Variants in CPQ observed in about 807,000 individuals in gnomAD.
The protein encoded by CPQ is Ser-Met dipeptidase.
In CPQ, 37 loss-of-function variants were observed where a neutral mutation model predicts 45.7. The ratio of observed to expected loss-of-function variants is 0.81; its 90% confidence interval spans 0.62 to 1.07. The LOEUF is 1.07. Ranked by LOEUF, CPQ falls within the 50% of genes least tolerant of loss-of-function variation. The pLI, the probability that CPQ is intolerant of heterozygous loss-of-function variation, is 0.00. For synonymous variants in CPQ, 186 were observed against 205.8 expected (o/e 0.90, Z 0.82); for missense variants, 537 against 572.9 (o/e 0.94, Z 0.64).
chr8:97,006,773 A>G (rs1203004430), intron 5 of CPQ, among the ~76,000 whole-genome samples: 1 of 152,154 alleles, frequency 6.6e-6, no homozygotes, highest in East Asian at 1.9e-4. Flanking sequence ...CCAGGAACCG[A>G]CTTATCTGGT....
chr8:97,051,660 A>G (rs1281896569), intron 6 of CPQ, among the ~76,000 whole-genome samples: 9 of 152,202 alleles, frequency 5.9e-5, no homozygotes, highest in Non-Finnish European at 1.3e-4. Flanking sequence ...CCCCCAAGGG[A>G]CCCCGATTAG....
At chr8:97,115,079 AG>A (rs34800280) in intron 7 of CPQ, among the ~76,000 whole-genome samples, 1 of 152,158 alleles carries the variant, frequency 6.6e-6, no homozygotes, top group Non-Finnish European at 1.5e-5. Context: ...TGAACCAGAA[AG>A]GGGAGGAAGG....
rs192332519 is a variant in CPQ, at chr8:97,005,533, C to G, written c.962-23870C>G. 1.7e-3 allele frequency among the ~76,000 whole-genome samples: 252 copies of G among 151,954 alleles called. 3 individuals are homozygous for G. Among genetic ancestry groups the G allele is most frequent in the Admixed American group, 0.013 (195 of 15,256 alleles). On this transcript the variant is annotated intron_variant, in intron 5 of 7. Coordinates refer to ENST00000220763, the MANE Select transcript of CPQ (RefSeq NM_016134.4). ...CCAGGACAACATAGGGAAATTCTGT[C>G]TCTATAAAAAATAAAAATACATTTA...
intron 5 of CPQ, among the ~76,000 whole-genome samples, chr8:97,014,615 C>CTGGG (rs1301252917): frequency 6.9e-6 from 1 of 145,574 alleles, no homozygotes; most frequent in Admixed American, 7.0e-5. Context: ...GTACACCAAC[C>CTGGG]TGGGTGACAG....
chr8:96,923,046 C>G (rs1393823838), intron 4 of CPQ, among the ~76,000 whole-genome samples: 1 of 152,166 alleles, frequency 6.6e-6, no homozygotes, highest in Non-Finnish European at 1.5e-5. Flanking sequence ...GACCCATCCC[C>G]TCAGTCCAGT....
At chr8:97,119,677 T>G (rs954090576) in intron 7 of CPQ, among the ~76,000 whole-genome samples, 1 of 152,178 alleles carries the variant, frequency 6.6e-6, no homozygotes, top group Non-Finnish European at 1.5e-5. Flanking sequence ...GGGGGATTAC[T>G]TAGAACAGCG....
At chr8:96,821,354 A>G (rs780083004) in intron 2 of CPQ, among the ~76,000 whole-genome samples, 2 of 151,802 alleles carry the variant, frequency 1.3e-5, no homozygotes, top group African/African-American at 2.4e-5. Flanking sequence ...TAAACAAAAA[A>G]TATTTGCCCA....
At position 97,083,287 on chromosome 8, in the gene CPQ, C is replaced by T. The variant is rs540316771; in HGVS notation, c.1255+17077C>T. On this transcript the variant is annotated intron_variant, in intron 7 of 7. Coordinates refer to ENST00000220763, the MANE Select transcript of CPQ (RefSeq NM_016134.4). ...AAAAGCTTTGCTATGAACATGTTCT[C>T]ATGTATTTGGACCCAGTAGAGAGGA... is the stretch of plus-strand genomic sequence containing the variant. 3.9e-5 allele frequency among the ~76,000 whole-genome samples: 6 copies of T among 152,200 alleles called. No homozygotes were observed. In the East Asian group the frequency reaches 1.2e-3, roughly 29 times the overall value.
At chr8:96,678,540 A>G (rs934738564) in intron 1 of CPQ, among the ~76,000 whole-genome samples, 1 of 152,130 alleles carries the variant, frequency 6.6e-6, no homozygotes, top group Non-Finnish European at 1.5e-5. Flanking sequence ...CCAACAGTAT[A>G]TAAGCGTTCC....
chr8:96,808,778 C>T (rs1471238505), intron 2 of CPQ, among the ~76,000 whole-genome samples: 1 of 152,072 alleles, frequency 6.6e-6, no homozygotes, highest in Non-Finnish European at 1.5e-5. Context: ...CTTCTTTTAG[C>T]CTCTGTTTCC....
intron 4 of CPQ, among the ~76,000 whole-genome samples, chr8:96,902,096 G>A (rs1053783442): frequency 4.6e-5 from 7 of 151,988 alleles, no homozygotes; most frequent in African/African-American, 1.7e-4. Flanking sequence ...ATGGAAGGAG[G>A]GTCAGTCAAG....
intron 2 of CPQ, among the ~76,000 whole-genome samples, chr8:96,814,566 T>C (rs1811201073): frequency 6.6e-6 from 1 of 152,222 alleles, no homozygotes; most frequent in Non-Finnish European, 1.5e-5. Context: ...TGTTTGCATT[T>C]CTCTAAATCT....
intron 1 of CPQ, among the ~76,000 whole-genome samples, chr8:96,726,830 C>T (rs1809849715): frequency 6.6e-6 from 1 of 152,152 alleles, no homozygotes; most frequent in African/African-American, 2.4e-5. Flanking sequence ...GACCTCCTTA[C>T]CAAGTGATGC....
At chr8:97,068,676 T>A (rs1379140297) in intron 7 of CPQ, among the ~76,000 whole-genome samples, 1 of 152,158 alleles carries the variant, frequency 6.6e-6, no homozygotes, top group Non-Finnish European at 1.5e-5. Flanking sequence ...AGAGTTAAAA[T>A]GTGTTGAACT....
At chr8:96,849,213 G>A (rs762305882) in intron 3 of CPQ, among the ~76,000 whole-genome samples, 7 of 152,076 alleles carry the variant, frequency 4.6e-5, no homozygotes, top group Admixed American at 6.5e-5. Context: ...GGTTGTGTTC[G>A]CAATAGCATA....
chr8:96,908,107 CGTGTGTGTGT>C lies in CPQ; in HGVS notation c.849+28129_849+28138del, dbSNP rs35548556. Among the ~76,000 whole-genome samples, 506 of 145,798 alleles carry C rather than the reference CGTGTGTGTGT, an allele frequency of 3.5e-3. 2 individuals are homozygous for C. Among genetic ancestry groups the C allele is most frequent in the African/African-American group, 0.011 (447 of 39,412 alleles). On this transcript the variant is annotated intron_variant, in intron 4 of 7. Transcript: ENST00000220763. ...TTATTGGATTTCTCCCCCACTGCAA[CGTGTGTGTGT>C]GTGTGTGTGTGTGTGTGTGTGTGTG...
At chr8:97,065,455 G>C (rs1810620576) in intron 6 of CPQ, among the ~76,000 whole-genome samples, 1 of 152,144 alleles carries the variant, frequency 6.6e-6, no homozygotes, top group African/African-American at 2.4e-5. Context: ...CTCCCTCCCT[G>C]GAGATTCAAC....
intron 5 of CPQ, among the ~76,000 whole-genome samples, chr8:96,973,869 G>C (rs1442319808): frequency 6.6e-6 from 1 of 152,136 alleles, no homozygotes; most frequent in African/African-American, 2.4e-5. Context: ...GCTAAAAGGA[G>C]CTCTAAATCT....
intron 1 of CPQ, among the ~76,000 whole-genome samples, chr8:96,662,570 G>A (rs1586349210): frequency 1.3e-5 from 2 of 152,286 alleles, no homozygotes; most frequent in South Asian, 2.1e-4. Context: ...GAGCTACTAA[G>A]CTTTATTTTC....
Sources: gnomAD v4.1 joint callset for allele counts (sites outside exome capture counted in the v4.1 genomes callset) on GRCh38, gnomAD v4.1.1 for gene constraint, MANE v1.5 for transcripts, NCBI Gene and HGNC (gene_info 2026-07-23, HGNC 2026-07-21) for gene names.